The following RIMKLB variants were observed in gnomAD, a reference collection of about 807,000 sequenced individuals.
The protein encoded by RIMKLB is ribosomal modification protein rimK like family member B.
A neutral mutation model predicts 32.0 loss-of-function variants in RIMKLB; 7 were observed. The observed-to-expected ratio is 0.22, with a 90% CI of 0.12 to 0.41. The LOEUF is 0.41. Among genes scored for constraint, RIMKLB ranks in the 10% least tolerant of loss-of-function variants. RIMKLB has a pLI of 1.00. For missense variants in RIMKLB, 289 were observed against 498.7 expected, an observed-to-expected ratio of 0.58 and a Z score of 4.00; for synonymous variants, 172 against 185.1, an observed-to-expected ratio of 0.93 and a Z score of 0.57.
intron 1 of RIMKLB, among the ~76,000 whole-genome samples, chr12:8,713,530 G>C (rs901582867): frequency 1.3e-5 from 2 of 152,156 alleles, no homozygotes; most frequent in Non-Finnish European, 2.9e-5. Flanking sequence ...ATATTGGGAA[G>C]GGTATTTAAA....
At chr12:8,677,284 A>G (rs1942348804), upstream of RIMKLB, among the ~76,000 whole-genome samples, 1 of 152,146 alleles carries the variant, frequency 6.6e-6, no homozygotes, top group African/African-American at 2.4e-5. Flanking sequence ...TGGTGCCATG[A>G]TCTACTAAGT....
At chr12:8,762,053 G>A (rs1949569477) in intron 5 of RIMKLB, among the ~76,000 whole-genome samples, 1 of 152,128 alleles carries the variant, frequency 6.6e-6, no homozygotes, top group African/African-American at 2.4e-5. Context: ...TGTATGACCT[G>A]AAGTGCAGGG....
At chr12:8,773,086 A>G (rs1950534104) in intron 5 of RIMKLB, among the ~76,000 whole-genome samples, 1 of 134,208 alleles carries the variant, frequency 7.5e-6, no homozygotes, top group Non-Finnish European at 1.5e-5. Flanking sequence ...ATTGCAAGTA[A>G]GATAGACTTG....
chr12:8,751,212 A>G (rs887165555), intron 3 of RIMKLB, among the ~76,000 whole-genome samples: 3 of 152,222 alleles, frequency 2.0e-5, no homozygotes, highest in African/African-American at 7.2e-5. Context: ...AACCAAATTA[A>G]CAAGTATTAC....
intron 2 of RIMKLB, among the ~76,000 whole-genome samples, chr12:8,716,343 C>T (rs1429551204): frequency 6.6e-6 from 1 of 151,834 alleles, no homozygotes; most frequent in Non-Finnish European, 1.5e-5. Context: ...TGCTTTTTTC[C>T]ATCAAAGCTG....
chr12:8,737,655 C>T (rs1211280840), intron 2 of RIMKLB, among the ~76,000 whole-genome samples: 1 of 152,104 alleles, frequency 6.6e-6, no homozygotes, highest in African/African-American at 2.4e-5. Flanking sequence ...CCCCCCTCAT[C>T]TCTATTATTC....
At chr12:8,701,132 A>G (rs1943357502) in intron 1 of RIMKLB, among the ~76,000 whole-genome samples, 1 of 152,176 alleles carries the variant, frequency 6.6e-6, no homozygotes, top group Non-Finnish European at 1.5e-5. Flanking sequence ...GCGATAGTGA[A>G]AAAAGTATTA....
chr12:8,713,633 G>A, intron 1 of RIMKLB, 178 bp from the exon 2 acceptor site: 1 of 481,526 alleles, frequency 2.1e-6, no homozygotes, highest in Non-Finnish European at 3.8e-6. Flanking sequence ...GAGGTGGTCA[G>A]TTTCCATATT....
chr12:8,769,110 T>TG (rs1950203995), intron 5 of RIMKLB, among the ~76,000 whole-genome samples: 1 of 152,184 alleles, frequency 6.6e-6, no homozygotes, highest in Non-Finnish European at 1.5e-5. Flanking sequence ...TTTTTCTCTT[T>TG]TATTTACAGT....
chr12:8,715,289 A>G (rs1399143405), intron 2 of RIMKLB, among the ~76,000 whole-genome samples: 1 of 139,748 alleles, frequency 7.2e-6, no homozygotes, highest in Non-Finnish European at 1.5e-5. Flanking sequence ...CAGTGGCACT[A>G]TCTCAGCTCA....
intron 2 of RIMKLB, 70 bp from the exon 3 acceptor site, chr12:8,749,791 CG>C: frequency 3.2e-6 from 3 of 940,798 alleles, no homozygotes; most frequent in Non-Finnish European, 4.9e-6. Context: ...CAAACTTTGG[CG>C]TATTACTATT....
At chr12:8,777,948 TATG>T (rs779864918), downstream of RIMKLB, 135 of 167,316 alleles carry the variant, frequency 8.1e-4, no homozygotes, top group African/African-American at 2.9e-3. Flanking sequence ...TAGCAAATAA[TATG>T]ATTAAAGAAG....
chr12:8,739,668 C>T (rs1184454892), intron 2 of RIMKLB, among the ~76,000 whole-genome samples: 1 of 152,122 alleles, frequency 6.6e-6, no homozygotes, highest in African/African-American at 2.4e-5. Flanking sequence ...GAGACGAGGT[C>T]ACACCATGTT....
chr12:8,781,013 A>G (rs895439742), downstream of RIMKLB, among the ~76,000 whole-genome samples: 5 of 152,236 alleles, frequency 3.3e-5, no homozygotes, highest in Non-Finnish European at 5.9e-5. Flanking sequence ...TTTGCAAGAT[A>G]AATAAAATAT....
At chr12:8,769,141 G>C (rs1950206177) in intron 5 of RIMKLB, among the ~76,000 whole-genome samples, 1 of 152,074 alleles carries the variant, frequency 6.6e-6, no homozygotes, top group Non-Finnish European at 1.5e-5. Context: ...TTTCCTTTGT[G>C]ATTTCTTTGA....
chr12:8,775,694 T>A lies in RIMKLB; in HGVS notation c.*1910T>A. The A allele has an allele frequency of 1.0e-6, 1 of 984,782 alleles. No individual in the cohort carries two copies. Among genetic ancestry groups the A allele is most frequent in the Non-Finnish European group, 1.2e-6 (1 of 828,958 alleles). 61.0% of individuals were successfully genotyped at this position (984,782 alleles called of 1,614,324 possible). A position where few individuals can be genotyped will look rare whatever the true frequency, so the allele number is the denominator to read the frequency against. ...AAAAGGAATGTAATAAAATTTGTTT[T>A]TTCCATAGAATTAAATAATATTAAA... On this transcript the variant is annotated 3_prime_UTR_variant, in exon 6 of 6. Transcript: ENST00000535829.
intron 2 of RIMKLB, among the ~76,000 whole-genome samples, chr12:8,720,174 A>G (rs1945293720): frequency 6.6e-6 from 1 of 152,130 alleles, no homozygotes; most frequent in East Asian, 1.9e-4. Flanking sequence ...TGAGTAGAAT[A>G]TAGAACATTA....
At chr12:8,751,899 T>C in intron 3 of RIMKLB, 58 bp from the exon 4 acceptor site, 5 of 1,134,036 alleles carry the variant, frequency 4.4e-6, no homozygotes, top group South Asian at 1.3e-5. Context: ...GTTGATAAAA[T>C]TGATCACAAA....
intron 2 of RIMKLB, among the ~76,000 whole-genome samples, chr12:8,748,602 A>G (rs770831750): frequency 3.4e-5 from 5 of 147,934 alleles, no homozygotes; most frequent in Admixed American, 2.0e-4. Context: ...CACAATTTAT[A>G]TATTTTTTAT....
Sources: allele counts gnomAD v4.1 joint callset (sites outside exome capture counted in the v4.1 genomes callset), GRCh38; gene constraint gnomAD v4.1.1; transcripts MANE v1.5; gene names NCBI Gene and HGNC (gene_info 2026-07-23, HGNC 2026-07-21).